The following TLE2 variants were observed in gnomAD, a reference collection of about 807,000 sequenced individuals.
TLE2 encodes the protein transducin-like enhancer protein 2.
TLE2 carries 74 observed loss-of-function variants against 97.2 expected under a neutral mutation model. The ratio of observed to expected loss-of-function variants is 0.76; its 90% CI spans 0.63 to 0.92. TLE2 has a LOEUF of 0.92. TLE2 is among the 40% of genes least tolerant of loss of function. TLE2 has a pLI of 0.00. For missense variants in TLE2, 1,038 were observed against 1,008.7 expected (o/e 1.03, Z -0.39); for synonymous variants, 499 against 432.1 (o/e 1.15, Z -1.92).
upstream of TLE2, among the ~76,000 whole-genome samples, chr19:3,046,942 CCTCCTCCCTT>C (rs2090146819): frequency 8.2e-6 from 1 of 122,172 alleles, no homozygotes; most frequent in Admixed American, 8.1e-5. Context: ...GCCTCCCCCT[CCTCCTCCCTT>C]CCCTCCCTCC....
chr19:3,042,633 G>T (rs916407089), intron 1 of TLE2, among the ~76,000 whole-genome samples: 1 of 151,620 alleles, frequency 6.6e-6, no homozygotes, highest in Non-Finnish European at 1.5e-5. Flanking sequence ...CGAGACAGAG[G>T]GGGCGAGGCG....
At chr19:3,011,693 A>C (rs953471085) in intron 11 of TLE2, among the ~76,000 whole-genome samples, 1 of 151,280 alleles carries the variant, frequency 6.6e-6, no homozygotes, top group Non-Finnish European at 1.5e-5. Context: ...TCTACTAAAA[A>C]TACAAAATTA....
Position 3,019,203 on chromosome 19 carries a change from G to A in TLE2, c.550+80C>T. 1 of 1,512,158 alleles carries A rather than the reference G, an allele frequency of 6.6e-7. No homozygotes were observed. The highest frequency in any genetic ancestry group is 8.8e-7 in the Non-Finnish European group (1 of 1,131,010). 93.7% of individuals were successfully genotyped at this position (1,512,158 alleles called of 1,614,324 possible). A position where few individuals can be genotyped will look rare whatever the true frequency, so the allele number is the denominator to read the frequency against. The stretch of plus-strand genomic sequence containing the variant: ...ATGAGCCACTTCATCCCCTCACGCT[G>A]ATGTTTGCTACCCTGGACTGCCAGT... On this transcript the variant is annotated intron_variant, in intron 7 of 19. Transcript: ENST00000262953. This position sits in a 1 kb window ranked among gnomAD's most constrained non-coding sequence, Gnocchi z 5.1.
chr19:3,015,962 A>G (rs2089694756), intron 8 of TLE2: 2 of 661,432 alleles, frequency 3.0e-6, no homozygotes, highest in Non-Finnish European at 5.6e-6. Context: ...TTTTTGACGG[A>G]GTCTTGCTCT....
At chr19:3,028,010 G>A (rs573602892) in intron 3 of TLE2, 137 bp from the exon 4 acceptor site, 95 of 905,390 alleles carry the variant, frequency 1.0e-4, no homozygotes, top group Non-Finnish European at 1.5e-4. Flanking sequence ...CCAGCTCCAC[G>A]GGGTCCCAGA....
intron 11 of TLE2, among the ~76,000 whole-genome samples, chr19:3,012,892 C>T (rs35008596): frequency 0.074 from 11,237 of 152,212 alleles, 473 homozygotes; most frequent in South Asian, 0.096. Context: ...GTGGATGGGA[C>T]GACTGTGGGG....
At chr19:3,028,275 C>T (rs2089978727) in intron 3 of TLE2, 44 bp downstream of exon 3, 1 of 1,573,900 alleles carries the variant, frequency 6.4e-7, no homozygotes, top group Non-Finnish European at 8.6e-7. Context: ...GACTCAAAGC[C>T]CTGCCCGCCT....
upstream of TLE2, among the ~76,000 whole-genome samples, chr19:3,046,402 C>T (rs1307184659): frequency 1.3e-5 from 2 of 152,208 alleles, no homozygotes; most frequent in African/African-American, 4.8e-5. Flanking sequence ...CTCCTATTCC[C>T]CGCTCCTTTT....
At chr19:3,017,970 A>T in intron 7 of TLE2, 111 bp from the exon 8 acceptor site, 1 of 876,872 alleles carries the variant, frequency 1.1e-6, no homozygotes, top group Non-Finnish European at 1.7e-6. Context: ...CGCCCCCACC[A>T]CCCCACTCAG....
intron 4 of TLE2, chr19:3,025,718 G>T: frequency 5.3e-6 from 3 of 570,210 alleles, no homozygotes; most frequent in Non-Finnish European, 6.7e-6. Flanking sequence ...CTTTGCCTCT[G>T]CCTGAGTTAC....
chr19:3,045,997 G>A (rs2090138593), upstream of TLE2, among the ~76,000 whole-genome samples: 1 of 152,194 alleles, frequency 6.6e-6, no homozygotes, highest in Non-Finnish European at 1.5e-5. Flanking sequence ...AAGCACTGCT[G>A]GAGGCGTGAT....
chr19:3,013,791 C>A lies in TLE2; in HGVS notation c.751G>T (p.Ala251Ser). 6.4e-7 allele frequency: 1 copy of A among 1,555,318 alleles called. No homozygotes were observed. Among genetic ancestry groups the A allele is most frequent in the Admixed American group, 2.0e-5 (1 of 50,434 alleles). The change falls in exon 11 of 20, where the codon GCT becomes TCT. Residue 251 changes from alanine (A) to serine (S), a missense_variant. Physicochemically the swap from Ala to Ser is moderately conservative, Grantham distance 99 (BLOSUM62 1). Coordinates refer to ENST00000262953, the MANE Select transcript of TLE2 (RefSeq NM_003260.5). ...EDQPSEPPSP[A>S]TTPCGKVPIC... ...GGTACCTTTCCGCAGGGGGTGGTAG[C>A]CGGGCTGGGGGGCTCTGAGGGTTGG...
At chr19:3,026,012 C>T (rs929690779) in intron 4 of TLE2, among the ~76,000 whole-genome samples, 3 of 152,082 alleles carry the variant, frequency 2.0e-5, no homozygotes, top group African/African-American at 7.2e-5. Context: ...CAAGGTTCTG[C>T]TCATTGATTC....
rs568581080 is a variant in TLE2, at chr19:2,999,584, A to G, written c.2124+1063T>C. Reference sequence around the variant, plus strand: ...CTACTAAAAATACAAAAAATTAGCCAGGTGTGGTGGCGGGTACCTGGAGTC... The same window carrying G: ...CTACTAAAAATACAAAAAATTAGCCGGGTGTGGTGGCGGGTACCTGGAGTC... On this transcript the variant is annotated intron_variant, in intron 19 of 19. Coordinates refer to ENST00000262953, the MANE Select transcript of TLE2 (RefSeq NM_003260.5). Among the ~76,000 whole-genome samples, 59 of 151,916 alleles carry G rather than the reference A, an allele frequency of 3.9e-4. No homozygotes were observed. The East Asian group carries it at 8.6e-3, about 22-fold the overall frequency.
Position 3,028,707 on chromosome 19 carries a change from T to C in TLE2, c.121A>G (p.Ser41Gly). 6.2e-7 allele frequency: 1 copy of C among 1,611,834 alleles called. No individual in the cohort carries two copies. The highest frequency in any genetic ancestry group is 1.1e-5 in the South Asian group (1 of 91,042). ...GGCCCCTGGGGCGGCCCCCCTCACCTGTGGTATTGAGCCTGAAGAAACTGG... is the reference window on the plus strand; with the variant it reads ...GGCCCCTGGGGCGGCCCCCCTCACCCGTGGTATTGAGCCTGAAGAAACTGG... ...EFQFLQAQYH[S>G]LKLECEKLAS... Residue 41 changes from serine to glycine, a missense_variant and splice_region_variant, in exon 2 of 20, where the codon AGC becomes GGC. Transcript: ENST00000262953.
In TLE2 at chr19:3,028,938, A is replaced by G. The variant is rs772222074; in HGVS notation, c.-34T>C. The G allele has an allele frequency of 2.5e-6, 4 of 1,605,248 alleles. No individual in the cohort carries two copies. The highest frequency in any genetic ancestry group is 2.2e-4 in the Middle Eastern group (1 of 4,446). On this transcript the variant is annotated 5_prime_UTR_variant, in exon 1 of 20. Transcript: ENST00000262953. ...TCCGAAAAGCCCCCCAGGCGCCACC[A>G]GAGCTTGATGATATGGAGGCGGCAA... is the stretch of plus-strand genomic sequence containing the variant.
At chr19:3,040,057 G>A (rs527536302) in intron 1 of TLE2, among the ~76,000 whole-genome samples, 1 of 152,342 alleles carries the variant, frequency 6.6e-6, no homozygotes, top group South Asian at 2.1e-4. Flanking sequence ...AAGCAGAGCT[G>A]GGGCTGGCAC....
At chr19:2,998,082 T>G in intron 19 of TLE2, 127 bp from the exon 20 acceptor site, 2 of 646,048 alleles carry the variant, frequency 3.1e-6, no homozygotes, top group Non-Finnish European at 5.5e-6. Context: ...ACGTGTTTCT[T>G]TTTTTGAGAT....
Position 3,009,647 on chromosome 19 carries a change from G to T in TLE2, c.1068C>A (p.Gly356=). Residue 356 remains glycine (G), a synonymous_variant, in exon 13 of 20, where the codon GGC becomes GGA. Transcript: ENST00000262953. ...SSPFTTSFSL[G]SHSTLNGDLS... ...GGTCTCCGTTGAGAGTGCTGTGGGA[G>T]CCCAGGCTGAAGGACGTGGTGAAGG... 1 of 1,613,128 alleles carries T rather than the reference G, an allele frequency of 6.2e-7. No individual in the cohort carries two copies. Among genetic ancestry groups the T allele is most frequent in the East Asian group, 2.2e-5 (1 of 44,862 alleles).
Sources: allele counts gnomAD v4.1 joint callset (sites outside exome capture counted in the v4.1 genomes callset), GRCh38; gene constraint gnomAD v4.1.1; non-coding constraint Gnocchi (gnomAD v3.1); transcripts MANE v1.5; gene names NCBI Gene and HGNC (gene_info 2026-07-23, HGNC 2026-07-21).